Variants in PTPRD observed in about 807,000 individuals in gnomAD.
PTPRD encodes receptor-type tyrosine-protein phosphatase delta.
Under a neutral mutation model 214.5 loss-of-function variants are expected in PTPRD, and 34 were observed. That is an observed-to-expected ratio of 0.16 (90% confidence interval 0.12 to 0.21). The LOEUF (loss-of-function observed/expected upper bound fraction) is 0.21. PTPRD is among the 10% of genes least tolerant of loss of function. The probability of loss-of-function intolerance (pLI) is 1.00; values close to 1 mark genes in which losing one functional copy is unlikely to be tolerated. For synonymous variants in PTPRD, 1,128 were observed against 845.7 expected (o/e 1.33, Z -5.79); for missense variants, 2,545 against 2,398.7 (o/e 1.06, Z -1.27).
In PTPRD at chr9:10,284,925, T is replaced by C. The variant is rs2095292899; in HGVS notation, c.-545+56038A>G. ...GAATTCTGCATAGCACATTCACACA[T>C]AGTCTATAACATAATCTGAATGAGT... On this transcript the variant is annotated intron_variant, in intron 3 of 45. Transcript: ENST00000381196. Among the ~76,000 whole-genome samples, 3 of 152,194 alleles carry C rather than the reference T, an allele frequency of 2.0e-5. No homozygotes were observed. The South Asian group carries it at 6.2e-4, about 31-fold the overall frequency.
intron 2 of PTPRD, among the ~76,000 whole-genome samples, chr9:10,507,558 A>T (rs567601667): frequency 8.3e-4 from 127 of 152,116 alleles, no homozygotes; most frequent in African/African-American, 2.7e-3. Flanking sequence ...ATACTACAAG[A>T]CTACAGTAAC....
intron 12 of PTPRD, among the ~76,000 whole-genome samples, chr9:8,720,239 T>C (rs551131598): frequency 6.6e-6 from 1 of 152,194 alleles, no homozygotes; most frequent in Non-Finnish European, 1.5e-5. Flanking sequence ...GTGGGCTGGC[T>C]GAGTATTTCT....
At chr9:9,273,423 A>G (rs889854842) in intron 9 of PTPRD, among the ~76,000 whole-genome samples, 8 of 151,276 alleles carry the variant, frequency 5.3e-5, no homozygotes, top group African/African-American at 1.9e-4. Context: ...GTATGTATAT[A>G]TACATACATA....
At chr9:8,750,149 G>A (rs528250269) in intron 11 of PTPRD, among the ~76,000 whole-genome samples, 12 of 152,050 alleles carry the variant, frequency 7.9e-5, no homozygotes, top group African/African-American at 2.9e-4. Flanking sequence ...CTGGTGCTAG[G>A]AGATAGAAAA....
intron 3 of PTPRD, among the ~76,000 whole-genome samples, chr9:10,143,181 G>A (rs1250848652): frequency 2.0e-5 from 3 of 152,180 alleles, no homozygotes; most frequent in Admixed American, 6.6e-5. Flanking sequence ...GCTAGATGAC[G>A]AGTTAGTGGG....
intron 11 of PTPRD, among the ~76,000 whole-genome samples, chr9:8,960,393 GAGA>G (rs990673316): frequency 1.4e-4 from 21 of 152,110 alleles, no homozygotes; most frequent in African/African-American, 4.8e-4. Flanking sequence ...TATTCAGAGA[GAGA>G]AGTGGTCCCA....
intron 3 of PTPRD, among the ~76,000 whole-genome samples, chr9:10,166,275 G>T: frequency 6.8e-6 from 1 of 148,044 alleles, no homozygotes; most frequent in African/African-American, 2.5e-5. Context: ...CTCACACTGT[G>T]AGAAAAAAAA....
chr9:9,756,181 A>G (rs973258486), intron 6 of PTPRD, among the ~76,000 whole-genome samples: 2 of 152,098 alleles, frequency 1.3e-5, no homozygotes, highest in African/African-American at 4.8e-5. Context: ...CTGACGAACG[A>G]CAGAGATGAA....
At chr9:9,369,755 A>T (rs1247585905) in intron 9 of PTPRD, among the ~76,000 whole-genome samples, 1 of 152,134 alleles carries the variant, frequency 6.6e-6, no homozygotes. Flanking sequence ...TCTAACACAT[A>T]AGTCTTTAAT....
intron 5 of PTPRD, among the ~76,000 whole-genome samples, chr9:9,863,135 A>G (rs2063163078): frequency 6.6e-6 from 1 of 152,184 alleles, no homozygotes; most frequent in Admixed American, 6.5e-5. Flanking sequence ...ATGAAGATAA[A>G]TTTGACAAAT....
chr9:8,961,059 A>G (rs569825580), intron 11 of PTPRD, among the ~76,000 whole-genome samples: 4 of 152,124 alleles, frequency 2.6e-5, no homozygotes, highest in Non-Finnish European at 5.9e-5. Flanking sequence ...TATAATAAGT[A>G]GTTTATAATA....
At chr9:8,705,455 C>T (rs1565428198) in intron 12 of PTPRD, among the ~76,000 whole-genome samples, 1 of 152,170 alleles carries the variant, frequency 6.6e-6, no homozygotes. Flanking sequence ...GGAGCACATA[C>T]AAGAAACAAA....
At chr9:9,274,650 T>A (rs10977628) in intron 9 of PTPRD, among the ~76,000 whole-genome samples, 1 of 151,076 alleles carries the variant, frequency 6.6e-6, no homozygotes, top group African/African-American at 2.4e-5. Context: ...TTGAAAGAAC[T>A]TGAACATATT....
At position 8,774,549 on chromosome 9, in the gene PTPRD, TTTG is replaced by T. The variant is rs1472296952; in HGVS notation, c.-103-40606_-103-40604del. ...TAACTTTTTTTTTTTTTTTTTTTTT[TTTG>T]AAACGGAGTTTTGCTCTTGTTGCCC... On this transcript the variant is annotated intron_variant, in intron 11 of 45. Coordinates refer to ENST00000381196, the MANE Select transcript of PTPRD (RefSeq NM_002839.4). 7.3e-4 allele frequency among the ~76,000 whole-genome samples: 52 copies of T among 71,258 alleles called. 1 individual carries two copies. The highest frequency in any genetic ancestry group is 2.6e-3 in the African/African-American group (46 of 17,498). 46.7% of individuals were successfully genotyped at this position (71,258 alleles called of 152,430 possible).
chr9:10,547,564 C>T (rs1339136925), intron 2 of PTPRD, among the ~76,000 whole-genome samples: 1 of 152,034 alleles, frequency 6.6e-6, no homozygotes, highest in Non-Finnish European at 1.5e-5. Context: ...CTACCTTACA[C>T]ATAAGAAACA....
At chr9:9,040,986 T>C (rs548858001) in intron 10 of PTPRD, among the ~76,000 whole-genome samples, 1 of 152,266 alleles carries the variant, frequency 6.6e-6, no homozygotes, top group African/African-American at 2.4e-5. Flanking sequence ...GTAAGTGTTC[T>C]ACCTGAGTGC....
chr9:9,369,454 T>C (rs1449942544), intron 9 of PTPRD, among the ~76,000 whole-genome samples: 4 of 152,044 alleles, frequency 2.6e-5, no homozygotes, highest in African/African-American at 7.2e-5. Flanking sequence ...TTTGGTGGGG[T>C]TGTTTGCTTT....
chr9:10,586,222 C>T (rs1003500508), intron 2 of PTPRD, among the ~76,000 whole-genome samples: 8 of 152,032 alleles, frequency 5.3e-5, no homozygotes, highest in East Asian at 1.9e-4. Flanking sequence ...AGACTCAATA[C>T]GAGCAAATAA....
chr9:10,397,099 C>T (rs538260806), intron 2 of PTPRD, among the ~76,000 whole-genome samples: 36 of 152,098 alleles, frequency 2.4e-4, no homozygotes, highest in Middle Eastern at 3.4e-3. Context: ...AATGTGTCTC[C>T]TTTATAGGAT....
Sources: allele counts gnomAD v4.1 joint callset (sites outside exome capture counted in the v4.1 genomes callset), GRCh38; gene constraint gnomAD v4.1.1; transcripts MANE v1.5; gene names NCBI Gene and HGNC (gene_info 2026-07-23, HGNC 2026-07-21).